ASCC3: variants seen among roughly 807,000 people sequenced by gnomAD.
ASCC3 encodes the protein ASC-1 complex subunit P200.
A neutral mutation model predicts 256.3 loss-of-function variants in ASCC3; 158 were observed. That is an observed-to-expected ratio of 0.62 (90% CI 0.54 to 0.70). The LOEUF is 0.70. Ranked by LOEUF, ASCC3 falls within the 30% of genes least tolerant of loss-of-function variation. ASCC3 has a pLI of 0.00. For synonymous variants in ASCC3, 948 were observed against 883.4 expected, an observed-to-expected ratio of 1.07 and a Z score of -1.30; for missense variants, 2,259 against 2,626.0, an observed-to-expected ratio of 0.86 and a Z score of 3.05.
chr6:100,533,558 A>G (rs953779687), intron 37 of ASCC3, among the ~76,000 whole-genome samples: 1 of 152,212 alleles, frequency 6.6e-6, no homozygotes, highest in East Asian at 1.9e-4. Flanking sequence ...CTGAAAAAAA[A>G]CTTTCCCAAA....
intron 30 of ASCC3, among the ~76,000 whole-genome samples, chr6:100,619,445 C>G (rs1057139331): frequency 1.3e-5 from 2 of 152,132 alleles, no homozygotes; most frequent in African/African-American, 4.8e-5. Context: ...AAATCTGACA[C>G]TACTGTATCC....
intron 36 of ASCC3, among the ~76,000 whole-genome samples, chr6:100,557,272 G>A (rs893750680): frequency 1.3e-5 from 2 of 152,076 alleles, no homozygotes; most frequent in African/African-American, 2.4e-5. Context: ...CTTTAACGCA[G>A]GCATATACAG....
At chr6:100,582,664 C>T (rs1282939850) in intron 36 of ASCC3, among the ~76,000 whole-genome samples, 1 of 151,762 alleles carries the variant, frequency 6.6e-6, no homozygotes. Context: ...TGTCTTGTGC[C>T]AGTTTTCAAA....
chr6:100,608,549 TA>T (rs1307463363), intron 30 of ASCC3, among the ~76,000 whole-genome samples: 2 of 3,482 alleles, frequency 5.7e-4, no homozygotes, highest in Admixed American at 0.014. Context: ...ATATATACTT[TA>T]TATATATATA....
intron 4 of ASCC3, among the ~76,000 whole-genome samples, chr6:100,811,771 T>C (rs1248959758): frequency 6.6e-6 from 1 of 152,034 alleles, no homozygotes; most frequent in African/African-American, 2.4e-5. Context: ...AAAAGAGTCA[T>C]AGATTGAAGG....
chr6:100,858,719 A>G (rs1773078396), intron 3 of ASCC3: 2 of 1,046,046 alleles, frequency 1.9e-6, no homozygotes, highest in African/African-American at 1.7e-5. Context: ...ATGAGATACC[A>G]CTATATATAC....
At chr6:100,872,421 C>A (rs962566326) in intron 1 of ASCC3, among the ~76,000 whole-genome samples, 1 of 133,732 alleles carries the variant, frequency 7.5e-6, no homozygotes, top group Non-Finnish European at 1.5e-5. Context: ...ACTACAGTAA[C>A]TGAAAACTTT....
At chr6:100,871,213 A>G (rs1162618829) in intron 1 of ASCC3, among the ~76,000 whole-genome samples, 1 of 151,708 alleles carries the variant, frequency 6.6e-6, no homozygotes, top group Non-Finnish European at 1.5e-5. Flanking sequence ...CTCCTGCCTC[A>G]GCCTCCCGAG....
At chr6:100,722,739 T>C (rs1779404166) in intron 11 of ASCC3, among the ~76,000 whole-genome samples, 1 of 151,824 alleles carries the variant, frequency 6.6e-6, no homozygotes, top group Non-Finnish European at 1.5e-5. Flanking sequence ...GCTTTTTCAG[T>C]GAATAATATA....
At chr6:100,548,703 T>C (rs891051878) in intron 36 of ASCC3, among the ~76,000 whole-genome samples, 2 of 151,912 alleles carry the variant, frequency 1.3e-5, no homozygotes, top group African/African-American at 2.4e-5. Flanking sequence ...TTAGGAAGGC[T>C]TTCTGAAGGA....
rs74780354 is a variant in ASCC3, at chr6:100,734,057, C to T, written c.1738-8354G>A. Among the ~76,000 whole-genome samples, 1,949 of 152,106 alleles carry T rather than the reference C, an allele frequency of 0.013. 101 individuals are homozygous for T. In the East Asian group the frequency reaches 0.15, roughly 12 times the overall value. On this transcript the variant is annotated intron_variant, in intron 10 of 41. Transcript: ENST00000369162. ...TCCAATTTGATGCAAATTAGTAATC[C>T]CCAGAGAAATAATTCTCATTTTTCT...
chr6:100,679,546 T>C, intron 14 of ASCC3, 72 bp downstream of exon 14: 1 of 1,599,464 alleles, frequency 6.3e-7, no homozygotes, highest in East Asian at 2.2e-5. Flanking sequence ...AGACCGTGGA[T>C]CTTTCACATA....
intron 10 of ASCC3, among the ~76,000 whole-genome samples, chr6:100,734,994 G>A (rs1233178954): frequency 1.3e-5 from 2 of 152,080 alleles, no homozygotes. Context: ...ATAGAGCAGG[G>A]TATAAAAAGT....
intron 14 of ASCC3, among the ~76,000 whole-genome samples, chr6:100,672,424 C>A (rs930073000): frequency 8.6e-5 from 13 of 151,898 alleles, no homozygotes; most frequent in Non-Finnish European, 1.9e-4. Context: ...AGTAAGGTTA[C>A]TAGATGATAA....
At chr6:100,588,136 A>G (rs1173598546) in intron 36 of ASCC3, among the ~76,000 whole-genome samples, 1 of 152,166 alleles carries the variant, frequency 6.6e-6, no homozygotes, top group Non-Finnish European at 1.5e-5. Flanking sequence ...CAAGATGGTT[A>G]ATCTTTAAAA....
At chr6:100,783,973 G>C (rs1782573044) in intron 8 of ASCC3, among the ~76,000 whole-genome samples, 2 of 152,094 alleles carry the variant, frequency 1.3e-5, no homozygotes, top group Admixed American at 1.3e-4. Flanking sequence ...GTAGGGCATG[G>C]TGAGTTTAAA....
At chr6:100,798,574 A>T in intron 8 of ASCC3, 139 bp downstream of exon 8, 1 of 1,263,736 alleles carries the variant, frequency 7.9e-7, no homozygotes, top group Non-Finnish European at 1.1e-6. Flanking sequence ...CTCCTACTGT[A>T]ATTCTCTAGT....
At chr6:100,845,551 C>T (rs1316627172) in intron 4 of ASCC3, among the ~76,000 whole-genome samples, 1 of 152,050 alleles carries the variant, frequency 6.6e-6, no homozygotes, top group East Asian at 1.9e-4. Flanking sequence ...CCAGCACTGC[C>T]TATCTCAAAG....
At chr6:100,767,468 T>C (rs971963289) in intron 8 of ASCC3, 123 bp from the exon 9 acceptor site, 9 of 1,002,262 alleles carry the variant, frequency 9.0e-6, no homozygotes, top group African/African-American at 8.1e-5. Flanking sequence ...ACTTTCACAA[T>C]GTGTCTTTTA....
Sources: gnomAD v4.1 joint callset for allele counts (sites outside exome capture counted in the v4.1 genomes callset) on GRCh38, gnomAD v4.1.1 for gene constraint, MANE v1.5 for transcripts, NCBI Gene and HGNC (gene_info 2026-07-23, HGNC 2026-07-21) for gene names.